Variants in RGS7 observed in about 807,000 individuals in gnomAD.
The protein encoded by RGS7 is regulator of G protein signaling 7.
In RGS7, 27 loss-of-function variants were observed where a neutral mutation model predicts 81.1. The observed-to-expected ratio is 0.33, with a 90% CI of 0.25 to 0.46. The LOEUF (loss-of-function observed/expected upper bound fraction) is 0.46. Among genes scored for constraint, RGS7 ranks in the 20% least tolerant of loss-of-function variants. RGS7 has a pLI of 1.00. For missense variants in RGS7, 396 were observed against 607.4 expected (o/e 0.65, Z 3.66); for synonymous variants, 208 against 207.7 (o/e 1.00, Z -0.01).
intron 3 of RGS7, among the ~76,000 whole-genome samples, chr1:241,056,504 T>C (rs1349473156): frequency 6.6e-6 from 1 of 152,232 alleles, no homozygotes; most frequent in South Asian, 2.1e-4. Flanking sequence ...CTATCTTTAG[T>C]GCAAAGAATA....
intron 3 of RGS7, among the ~76,000 whole-genome samples, chr1:241,070,324 G>GAAAA (rs375392335): frequency 2.9e-5 from 4 of 138,674 alleles, no homozygotes; most frequent in African/African-American, 5.3e-5. Flanking sequence ...AGGAGAAATG[G>GAAAA]AAAAAAAAAA....
intron 9 of RGS7, among the ~76,000 whole-genome samples, chr1:240,851,427 T>G (rs926808265): frequency 2.6e-5 from 4 of 152,224 alleles, no homozygotes; most frequent in African/African-American, 7.2e-5. Context: ...TCACTGACAA[T>G]GCACCTGGTC....
chr1:241,060,176 T>C (rs566418060), intron 3 of RGS7, among the ~76,000 whole-genome samples: 1 of 151,900 alleles, frequency 6.6e-6, no homozygotes, highest in African/African-American at 2.4e-5. Flanking sequence ...TAGTTACTTA[T>C]AGGAAAAAAA....
chr1:240,873,378 G>A (rs1283956076), intron 6 of RGS7, among the ~76,000 whole-genome samples: 2 of 151,994 alleles, frequency 1.3e-5, no homozygotes, highest in African/African-American at 4.8e-5. Flanking sequence ...TAGTTTTCTG[G>A]GAGATCATCA....
chr1:240,806,050 G>T (rs1225095862), intron 15 of RGS7, 90 bp downstream of exon 15: 1 of 1,112,902 alleles, frequency 9.0e-7, no homozygotes, highest in Non-Finnish European at 1.4e-6. Flanking sequence ...GTTAGAAATA[G>T]CTGCCATTTA....
chr1:240,835,245 AAG>A (rs1694530462), intron 9 of RGS7, among the ~76,000 whole-genome samples: 1 of 152,250 alleles, frequency 6.6e-6, no homozygotes, highest in East Asian at 1.9e-4. Flanking sequence ...ACCCAACAAT[AAG>A]AAGATACCAC....
chr1:241,213,024 C>T (rs1296312733), intron 2 of RGS7, among the ~76,000 whole-genome samples: 1 of 152,184 alleles, frequency 6.6e-6, no homozygotes, highest in African/African-American at 2.4e-5. Context: ...TCAATGATTG[C>T]CAACCTGCTT....
intron 2 of RGS7, among the ~76,000 whole-genome samples, chr1:241,169,432 C>G (rs1473780712): frequency 1.4e-5 from 2 of 146,394 alleles, no homozygotes; most frequent in African/African-American, 2.5e-5. Flanking sequence ...CAACCACTCC[C>G]TCCTGGGTGC....
At chr1:241,130,705 C>T (rs899870736) in intron 2 of RGS7, among the ~76,000 whole-genome samples, 3 of 150,684 alleles carry the variant, frequency 2.0e-5, no homozygotes, top group Non-Finnish European at 4.4e-5. Context: ...TGAACTAAAA[C>T]ACAAAATATC....
intron 2 of RGS7, among the ~76,000 whole-genome samples, chr1:241,209,256 C>T (rs986445001): frequency 7.2e-5 from 11 of 152,072 alleles, no homozygotes; most frequent in Non-Finnish European, 1.3e-4. Context: ...TGTGTGATAA[C>T]GCTCAGCCTA....
intron 18 of RGS7, among the ~76,000 whole-genome samples, chr1:240,791,607 G>T (rs572425881): frequency 6.6e-6 from 1 of 152,272 alleles, no homozygotes; most frequent in South Asian, 2.1e-4. Context: ...TTTCATAAAA[G>T]AATGCTAATG....
chr1:240,964,226 A>G (rs1399987245), intron 4 of RGS7, among the ~76,000 whole-genome samples: 1 of 152,202 alleles, frequency 6.6e-6, no homozygotes, highest in Non-Finnish European at 1.5e-5. Flanking sequence ...TCTGATATTG[A>G]GAATGACTGA....
chr1:241,222,017 C>T (rs1160310910), intron 2 of RGS7, among the ~76,000 whole-genome samples: 1 of 152,104 alleles, frequency 6.6e-6, no homozygotes, highest in East Asian at 1.9e-4. Flanking sequence ...CTGACTAATA[C>T]AATGAATTTC....
At chr1:241,186,422 C>G in intron 2 of RGS7, 4 of 846,210 alleles carry the variant, frequency 4.7e-6, no homozygotes, top group Non-Finnish European at 5.7e-6. Context: ...CAAGAAACAA[C>G]ATCTAAGATT....
intron 3 of RGS7, among the ~76,000 whole-genome samples, chr1:240,989,311 G>T (rs184201805): frequency 6.6e-6 from 1 of 151,530 alleles, no homozygotes; most frequent in African/African-American, 2.4e-5. Flanking sequence ...ATGATGTTGC[G>T]TGCCTGTAAT....
At chr1:241,153,762 A>G (rs2068920417) in intron 2 of RGS7, among the ~76,000 whole-genome samples, 1 of 152,240 alleles carries the variant, frequency 6.6e-6, no homozygotes, top group Non-Finnish European at 1.5e-5. Flanking sequence ...CAGAATAGGG[A>G]CAGAGAAGCA....
intron 2 of RGS7, among the ~76,000 whole-genome samples, chr1:241,104,660 T>C (rs1264311484): frequency 6.9e-6 from 1 of 145,244 alleles, no homozygotes; most frequent in Non-Finnish European, 1.6e-5. Flanking sequence ...CTATGCGTGA[T>C]AAAAGTAAAA....
intron 12 of RGS7, among the ~76,000 whole-genome samples, 156 bp from the exon 13 acceptor site, chr1:240,813,884 A>C (rs1294441452): frequency 1.3e-5 from 2 of 152,342 alleles, no homozygotes; most frequent in East Asian, 3.9e-4. Context: ...AGTAACTTTC[A>C]TGCAACAACT....
At chr1:241,226,651 T>C (rs1029347692) in intron 2 of RGS7, among the ~76,000 whole-genome samples, 2 of 152,086 alleles carry the variant, frequency 1.3e-5, no homozygotes, top group African/African-American at 4.8e-5. Flanking sequence ...GAAGAAGAAA[T>C]AGTACTAGGA....
Sources: gnomAD v4.1 joint callset for allele counts (sites outside exome capture counted in the v4.1 genomes callset) on GRCh38, gnomAD v4.1.1 for gene constraint, MANE v1.5 for transcripts, NCBI Gene and HGNC (gene_info 2026-07-23, HGNC 2026-07-21) for gene names.